HNRNPUL1: variants seen among roughly 807,000 people sequenced by gnomAD.
HNRNPUL1 encodes heterogeneous nuclear ribonucleoprotein U like 1.
In HNRNPUL1, 14 loss-of-function variants were observed where a neutral mutation model predicts 108.5. The observed-to-expected ratio is 0.13, with a 90% CI of 0.09 to 0.20. The LOEUF is 0.20. Ranked by LOEUF, HNRNPUL1 falls within the 10% of genes least tolerant of loss-of-function variation. The probability of loss-of-function intolerance (pLI) is 1.00; values close to 1 mark genes in which losing one functional copy is unlikely to be tolerated. For missense variants in HNRNPUL1, 804 were observed against 1,168.3 expected, an observed-to-expected ratio of 0.69 and a Z score of 4.55; for synonymous variants, 422 against 445.2, an observed-to-expected ratio of 0.95 and a Z score of 0.66.
chr19:41,266,262 GTC>G (rs1412924325), intron 1 of HNRNPUL1, among the ~76,000 whole-genome samples: 3 of 152,140 alleles, frequency 2.0e-5, no homozygotes, highest in African/African-American at 4.8e-5. Flanking sequence ...GTGAAACCCT[GTC>G]TCTACTAAAA....
intron 13 of HNRNPUL1, 136 bp from the exon 14 acceptor site, chr19:41,305,540 A>G: frequency 9.2e-7 from 1 of 1,089,424 alleles, no homozygotes; most frequent in Non-Finnish European, 1.4e-6. Context: ...CTCAGCCCAC[A>G]AACAATGTCC....
In HNRNPUL1 at chr19:41,264,578, C is replaced by G; in HGVS notation, c.75C>G (p.Leu25=). The G allele has an allele frequency of 1.9e-6, 3 of 1,567,330 alleles. No homozygotes were observed. Among genetic ancestry groups the G allele is most frequent in the Admixed American group, 3.5e-5 (2 of 56,462 alleles). The change falls in exon 1 of 15, where the codon CTC becomes CTG. Residue 25 remains leucine (L), a synonymous_variant. Coordinates refer to ENST00000392006, the MANE Select transcript of HNRNPUL1 (RefSeq NM_007040.6). ...GCCGCGGCCTGGACACTCGAGGCCT[C>G]AAGGCCGAGCTTGCTGAGCGGCTGC... The part of the protein sequence containing the change: ...LQRRGLDTRG[L]KAELAERLQA...
In HNRNPUL1 at chr19:41,304,060, C is replaced by T; in HGVS notation, c.2061C>T (p.Ser687=). The change falls in exon 13 of 15, where the codon AGC becomes AGT. Residue 687 remains serine, a synonymous_variant. Transcript: ENST00000392006. ...ACAACAACTCCAACAACAGAGGCAG[C>T]TACAACCGGGCTCCCCAGCAACAGC... The part of the protein sequence containing the change: ...RDNNNSNNRG[S]YNRAPQQQPP... The T allele has an allele frequency of 6.2e-7, 1 of 1,613,692 alleles. No individual in the cohort carries two copies. Among genetic ancestry groups the T allele is most frequent in the African/African-American group, 1.3e-5 (1 of 75,006 alleles).
intron 6 of HNRNPUL1, 27 bp from the exon 7 acceptor site, chr19:41,281,136 C>T (rs757682940): frequency 2.6e-6 from 4 of 1,519,706 alleles, no homozygotes; most frequent in African/African-American, 1.4e-5. Flanking sequence ...GCAGGTTTAA[C>T]CTGCCTTTGC....
Position 41,304,165 on chromosome 19 carries a change from C to A in HNRNPUL1, c.2166C>A (p.Asn722Lys), listed in dbSNP as rs772453538. ...PPPPSYSPAR[N>K]PPGASTYNKN... is the part of the protein sequence containing the mutation. Reference sequence around the variant, plus strand: ...CACCCAGCTACAGCCCTGCTCGGAACCCCCCAGGGGCCAGCACCTACAATA... The same window carrying A: ...CACCCAGCTACAGCCCTGCTCGGAAACCCCCAGGGGCCAGCACCTACAATA... The change falls in exon 13 of 15, where the codon AAC becomes AAA. Residue 722 changes from asparagine (N) to lysine (K), a missense_variant. By Grantham distance (94) the Asn-to-Lys change is moderately conservative. Transcript: ENST00000392006. 6.8e-6 allele frequency: 11 copies of A among 1,614,072 alleles called. No individual in the cohort carries two copies. The highest frequency in any genetic ancestry group is 9.3e-6 in the Non-Finnish European group (11 of 1,180,036).
At position 41,274,450 on chromosome 19, in the gene HNRNPUL1, A is replaced by C. The variant is rs531316029; in HGVS notation, c.646+395A>C. ...AGCTGGGGAAACTTAACTCTTTGAC[A>C]ACCAGTTCCCGTTTCCATCAGCTGC... On this transcript the variant is annotated intron_variant, in intron 4 of 14. Coordinates refer to ENST00000392006, the MANE Select transcript of HNRNPUL1 (RefSeq NM_007040.6). Among the ~76,000 whole-genome samples the C allele has an allele frequency of 3.3e-5, 5 of 152,290 alleles. No homozygotes were observed. The South Asian group carries it at 1.0e-3, about 32-fold the overall frequency.
At chr19:41,266,665 G>C (rs188381899) in intron 1 of HNRNPUL1, among the ~76,000 whole-genome samples, 1 of 152,016 alleles carries the variant, frequency 6.6e-6, no homozygotes, top group Non-Finnish European at 1.5e-5. Flanking sequence ...GGATTCTGGC[G>C]TAAGAGTTTG....
chr19:41,303,177 C>T (rs772291592), intron 12 of HNRNPUL1, among the ~76,000 whole-genome samples: 8 of 152,150 alleles, frequency 5.3e-5, no homozygotes, highest in African/African-American at 1.9e-4. Flanking sequence ...TCACAGTGCA[C>T]ATTCTGTCAC....
rs34555625 is a variant in HNRNPUL1 at position 41,298,927 on chromosome 19, CA to C, written c.1519-2596del. On this transcript the variant is annotated intron_variant, in intron 10 of 14. Transcript: ENST00000392006. ...GAATCAAAGTAGGATCACTTAGGGG[CA>C]AAAAAAAAAAAATGCAGAATGGTCT... 288 of 135,716 alleles carry C rather than the reference CA, an allele frequency of 2.1e-3. 1 individual carries two copies. The highest frequency in any genetic ancestry group is 0.011 in the South Asian group (46 of 4,176). The allele number at this position is 135,716 out of a possible 1,614,324, so 8.4% of individuals were successfully genotyped here.
chr19:41,283,274 A>T (rs2036010944), intron 7 of HNRNPUL1, among the ~76,000 whole-genome samples: 1 of 152,002 alleles, frequency 6.6e-6, no homozygotes, highest in Non-Finnish European at 1.5e-5. Context: ...ATTAAATCAT[A>T]ACTGTTTTTA....
At chr19:41,295,543 T>G (rs1226254509) in intron 10 of HNRNPUL1, among the ~76,000 whole-genome samples, 1 of 152,234 alleles carries the variant, frequency 6.6e-6, no homozygotes, top group African/African-American at 2.4e-5. Flanking sequence ...CTTTCACAAG[T>G]AACAAAGGGT....
At chr19:41,300,948 T>TA (rs1291637669) in intron 10 of HNRNPUL1, among the ~76,000 whole-genome samples, 1 of 152,214 alleles carries the variant, frequency 6.6e-6, no homozygotes. Context: ...GCTGGTTAAT[T>TA]AGTAGCATAG....
chr19:41,303,601 G>A (rs1183164963), intron 12 of HNRNPUL1, among the ~76,000 whole-genome samples: 1 of 152,006 alleles, frequency 6.6e-6, no homozygotes, highest in Admixed American at 6.6e-5. Context: ...TGGTCCACCC[G>A]CCTTAGCCTC....
rs71177707 is a variant in HNRNPUL1 at position 41,270,593 on chromosome 19, C to CTTTT, written c.419-1472_419-1469dup. 3.2e-3 allele frequency among the ~76,000 whole-genome samples: 378 copies of CTTTT among 118,824 alleles called. 11 individuals are homozygous for CTTTT. The highest frequency in any genetic ancestry group is 0.012 in the African/African-American group (342 of 28,846). 78.0% of individuals were successfully genotyped at this position (118,824 alleles called of 152,430 possible). A position where few individuals can be genotyped will look rare whatever the true frequency, so the allele number is the denominator to read the frequency against. ...CCCCATGATGCCAACTCTCCCTTCC[C>CTTTT]TTTTTTTTTTTTTTTTTTTTGAGAT... On this transcript the variant is annotated intron_variant, in intron 2 of 14. Coordinates refer to ENST00000392006, the MANE Select transcript of HNRNPUL1 (RefSeq NM_007040.6).
chr19:41,288,519 C>T lies in HNRNPUL1; in HGVS notation c.1000-3726C>T, dbSNP rs555423696. Among the ~76,000 whole-genome samples, 15 of 152,276 alleles carry T rather than the reference C, an allele frequency of 9.9e-5. No individual in the cohort carries two copies. In the East Asian group the frequency reaches 2.9e-3, roughly 29 times the overall value. Reference sequence around the variant, plus strand: ...TTGGCCTCCCAAAGTGCTGAGATTACAAGCGTGAGCCACCATGCCCGGCCT... The same window carrying T: ...TTGGCCTCCCAAAGTGCTGAGATTATAAGCGTGAGCCACCATGCCCGGCCT... On this transcript the variant is annotated intron_variant, in intron 7 of 14. Coordinates refer to ENST00000392006, the MANE Select transcript of HNRNPUL1 (RefSeq NM_007040.6).
At chr19:41,269,726 C>T (rs947159568) in intron 2 of HNRNPUL1, among the ~76,000 whole-genome samples, 7 of 151,928 alleles carry the variant, frequency 4.6e-5, no homozygotes, top group Non-Finnish European at 1.0e-4. Context: ...TCACTTGAGC[C>T]CAGGAGTTCA....
In HNRNPUL1 at chr19:41,273,039, A is replaced by G. The variant is rs141195078; in HGVS notation, c.572+804A>G. Among the ~76,000 whole-genome samples, 469 of 152,304 alleles carry G rather than the reference A, an allele frequency of 3.1e-3. 5 individuals are homozygous for G. Among genetic ancestry groups the G allele is most frequent in the African/African-American group, 0.011 (448 of 41,568 alleles). On this transcript the variant is annotated intron_variant, in intron 3 of 14. Transcript: ENST00000392006. ...CTGTCTGAGACAGGGCCTGGATCTC[A>G]CAGGCTATGATTTAAGTTAGGACAT... is the stretch of plus-strand genomic sequence containing the variant.
At chr19:41,281,096 G>T (rs2035873117) in intron 6 of HNRNPUL1, 67 bp from the exon 7 acceptor site, 7 of 927,822 alleles carry the variant, frequency 7.5e-6, no homozygotes, top group Non-Finnish European at 1.2e-5. Flanking sequence ...ATAAAAGTAT[G>T]TGGCAGCCAT....
intron 10 of HNRNPUL1, among the ~76,000 whole-genome samples, chr19:41,296,274 C>G (rs2036890593): frequency 1.3e-5 from 2 of 152,178 alleles, no homozygotes; most frequent in African/African-American, 4.8e-5. Flanking sequence ...GAAGCCAGGC[C>G]CATGACAGCT....
Sources: allele counts gnomAD v4.1 joint callset (sites outside exome capture counted in the v4.1 genomes callset), GRCh38; gene constraint gnomAD v4.1.1; transcripts MANE v1.5; gene names NCBI Gene and HGNC (gene_info 2026-07-23, HGNC 2026-07-21).